The following TASP1 variants were observed in gnomAD, a reference collection of about 807,000 sequenced individuals.
TASP1 encodes taspase 1, also known as threonine aspartase 1.
In TASP1, 16 loss-of-function variants were observed where a neutral mutation model predicts 56.6. The ratio of observed to expected loss-of-function variants is 0.28; its 90% CI spans 0.19 to 0.43. TASP1 has a LOEUF of 0.43. Ranked by LOEUF, TASP1 falls within the 20% of genes least tolerant of loss-of-function variation. The pLI is 1.00. For synonymous variants in TASP1, 179 were observed against 184.2 expected (o/e 0.97, Z 0.23); for missense variants, 393 against 511.6 (o/e 0.77, Z 2.24).
chr20:13,114,343 C>T, the TASP1 span, among the ~76,000 whole-genome samples: 455 of 152,310 alleles, frequency 3.0e-3, 7 homozygotes, highest in Admixed American at 0.022. Context: ...TTTCATGTCT[C>T]TGAGAAGTCT....
At chr20:13,398,767 T>C (rs1049683658) in intron 13 of TASP1, among the ~76,000 whole-genome samples, 3 of 152,200 alleles carry the variant, frequency 2.0e-5, no homozygotes, top group Admixed American at 2.0e-4. Flanking sequence ...GTTTTGGATA[T>C]AAAGTGAAGC....
chr20:13,606,755 C>T (rs1321605894), intron 4 of TASP1, among the ~76,000 whole-genome samples: 1 of 147,170 alleles, frequency 6.8e-6, no homozygotes, highest in African/African-American at 2.5e-5. Context: ...TGCAGTGAGC[C>T]GAGATCACGC....
At chr20:13,198,121 A>G in the TASP1 span, among the ~76,000 whole-genome samples, 4 of 152,198 alleles carry the variant, frequency 2.6e-5, no homozygotes, top group African/African-American at 9.6e-5. Flanking sequence ...TACTCTTCAT[A>G]TATAACAAAT....
At chr20:13,415,835 C>T (rs2042237134) in intron 13 of TASP1, among the ~76,000 whole-genome samples, 1 of 152,138 alleles carries the variant, frequency 6.6e-6, no homozygotes, top group South Asian at 2.1e-4. Context: ...TGACGTCCAC[C>T]TCAAACATGC....
the TASP1 span, among the ~76,000 whole-genome samples, chr20:13,312,780 A>C: frequency 0.014 from 2,139 of 152,314 alleles, 48 homozygotes; most frequent in African/African-American, 0.049. Flanking sequence ...CAATTTTTAC[A>C]AATGAGGACC....
chr20:13,164,702 C>G, the TASP1 span: 1 of 1,399,430 alleles, frequency 7.1e-7, no homozygotes, highest in Non-Finnish European at 1.0e-6. Context: ...CTCTGCAAAG[C>G]AGGGCTACTT....
chr20:13,416,570 T>C (rs896720526), intron 13 of TASP1, among the ~76,000 whole-genome samples: 2 of 152,242 alleles, frequency 1.3e-5, no homozygotes, highest in African/African-American at 4.8e-5. Context: ...CCTTTATGAT[T>C]CAATCTGTAA....
At chr20:13,273,262 T>G in the TASP1 span, among the ~76,000 whole-genome samples, 1 of 151,810 alleles carries the variant, frequency 6.6e-6, no homozygotes, top group East Asian at 1.9e-4. Flanking sequence ...TTTGACAAGG[T>G]CTTTCTTTGT....
At chr20:13,477,994 G>C (rs2043001537) in intron 11 of TASP1, among the ~76,000 whole-genome samples, 1 of 152,062 alleles carries the variant, frequency 6.6e-6, no homozygotes, top group Non-Finnish European at 1.5e-5. Context: ...TTAAAGTCTT[G>C]TTTATCAAAA....
the TASP1 span, chr20:13,221,682 T>G: frequency 9.2e-7 from 1 of 1,092,160 alleles, no homozygotes. Flanking sequence ...GGAGCCGCGC[T>G]GCCGGGCTCC....
the TASP1 span, among the ~76,000 whole-genome samples, chr20:13,178,768 G>T: frequency 2.0e-5 from 3 of 151,828 alleles, no homozygotes; most frequent in South Asian, 4.2e-4. Context: ...GTAGGGGAAA[G>T]GGAGGAATGG....
At chr20:13,386,909 G>A (rs1182220466), downstream of TASP1, among the ~76,000 whole-genome samples, 1 of 152,114 alleles carries the variant, frequency 6.6e-6, no homozygotes, top group Non-Finnish European at 1.5e-5. Flanking sequence ...ACGTGTGCAG[G>A]TTTGTTACAT....
intron 11 of TASP1, among the ~76,000 whole-genome samples, chr20:13,452,082 A>T (rs1352843022): frequency 6.6e-6 from 1 of 152,052 alleles, no homozygotes; most frequent in Non-Finnish European, 1.5e-5. Flanking sequence ...AGTTTGTGGC[A>T]CCCCAAAACA....
At chr20:13,157,085 G>A in the TASP1 span, among the ~76,000 whole-genome samples, 1 of 152,096 alleles carries the variant, frequency 6.6e-6, no homozygotes. Context: ...ATTACCCACG[G>A]AGGGTAGGAT....
chr20:13,445,939 A>G (rs1185247644), intron 11 of TASP1, among the ~76,000 whole-genome samples: 3 of 152,188 alleles, frequency 2.0e-5, no homozygotes, highest in Non-Finnish European at 2.9e-5. Context: ...ATATTTTATA[A>G]AAGTTCACTT....
At chr20:13,244,248 A>C in the TASP1 span, 1 of 152,132 alleles carries the variant, frequency 6.6e-6, no homozygotes, top group Non-Finnish European at 1.5e-5. Context: ...AGAGCAGGAG[A>C]CTTGATTCAA....
chr20:13,431,279 G>A (rs1007686570), intron 12 of TASP1, among the ~76,000 whole-genome samples: 1 of 152,172 alleles, frequency 6.6e-6, no homozygotes, highest in Non-Finnish European at 1.5e-5. Flanking sequence ...GTCATGGGAA[G>A]TCATGGTCCA....
At chr20:13,564,997 A>C (rs1471221237) in intron 7 of TASP1, among the ~76,000 whole-genome samples, 2 of 142,938 alleles carry the variant, frequency 1.4e-5, no homozygotes, top group Admixed American at 7.2e-5. Context: ...ACAGAGTAAG[A>C]CTCCATCTCA....
the TASP1 span, among the ~76,000 whole-genome samples, chr20:13,359,708 C>T: frequency 1.3e-5 from 2 of 151,828 alleles, no homozygotes; most frequent in East Asian, 1.9e-4. Flanking sequence ...CCCCACCTGC[C>T]CAGTTCCCTT....
Sources: gnomAD v4.1 joint callset for allele counts (sites outside exome capture counted in the v4.1 genomes callset) on GRCh38, gnomAD v4.1.1 for gene constraint, MANE v1.5 for transcripts, NCBI Gene and HGNC (gene_info 2026-07-23, HGNC 2026-07-21) for gene names.